The following G3BP2 variants were observed in gnomAD, a reference collection of about 807,000 sequenced individuals.
G3BP2 encodes ras GTPase-activating protein-binding protein 2.
G3BP2 carries 11 observed loss-of-function variants against 56.7 expected under a neutral mutation model. The ratio of observed to expected loss-of-function variants is 0.19; its 90% CI spans 0.12 to 0.32. The LOEUF (loss-of-function observed/expected upper bound fraction) is 0.32. Ranked by LOEUF, G3BP2 falls within the 10% of genes least tolerant of loss-of-function variation. The pLI is 1.00. For missense variants in G3BP2, 340 were observed against 610.9 expected, an observed-to-expected ratio of 0.56 and a Z score of 4.67; for synonymous variants, 165 against 191.6, an observed-to-expected ratio of 0.86 and a Z score of 1.15.
At position 75,645,625 on chromosome 4, in the gene G3BP2, T is replaced by A; in HGVS notation, c.1254A>T (p.Arg418Ser). Residue 418 changes from arginine to serine, a missense_variant, in exon 12 of 12, where the codon AGA becomes AGT. This residue lies in a region of G3BP2 where 94 missense variants were observed against 173.8 expected (regional missense o/e 0.54). Coordinates refer to ENST00000359707, the MANE Select transcript of G3BP2 (RefSeq NM_203505.3). ...TATCCCTGCGATCATCACCACCACC[T>A]CTGGTTTCTCGCTCTCTTGCAGCTC... ...KTRAARERET[R>S]GGGDDRRDIR... 6.2e-7 allele frequency: 1 copy of A among 1,613,786 alleles called. No homozygotes were observed. The highest frequency in any genetic ancestry group is 8.5e-7 in the Non-Finnish European group (1 of 1,179,916).
intron 3 of G3BP2, among the ~76,000 whole-genome samples, chr4:75,704,180 G>A (rs6531872): frequency 0.87 from 131,770 of 151,044 alleles, 57,470 homozygotes; most frequent in East Asian, 0.91. Context: ...CACCATGCCC[G>A]GCTAATTTTT....
chr4:75,680,964 C>T (rs1560410729), intron 3 of G3BP2, among the ~76,000 whole-genome samples: 3 of 140,948 alleles, frequency 2.1e-5, no homozygotes, highest in African/African-American at 8.0e-5. Context: ...AAGACCCCGT[C>T]TCAAAAAATA....
intron 3 of G3BP2, among the ~76,000 whole-genome samples, chr4:75,704,012 G>GTTTTTTTTTTTTTTTTTTTTTTTTTT (rs11315970): frequency 7.2e-6 from 1 of 138,960 alleles, no homozygotes; most frequent in African/African-American, 2.7e-5. Flanking sequence ...TCTATGAAAG[G>GTTTTTTTTTTTTTTTTTTTTTTTTTT]TTTTTTTTTT....
upstream of G3BP2, chr4:75,673,611 G>A: frequency 1.6e-6 from 2 of 1,231,330 alleles, no homozygotes; most frequent in South Asian, 4.1e-5. Flanking sequence ...ACCGGAACCG[G>A]CCTAAAGCCA....
Position 75,664,798 on chromosome 4 carries a change from G to A in G3BP2, c.-24-2749C>T, listed in dbSNP as rs1324240803. Among the ~76,000 whole-genome samples, 5 of 151,682 alleles carry A rather than the reference G, an allele frequency of 3.3e-5. No homozygotes were observed. In the East Asian group the frequency reaches 5.8e-4, roughly 18 times the overall value. ...TGGGGGACAAAGGTTGCAGTGAGCC[G>A]CGATCACACCACTGCACTCCAGCCT... On this transcript the variant is annotated intron_variant, in intron 1 of 11. Coordinates refer to ENST00000359707, the MANE Select transcript of G3BP2 (RefSeq NM_203505.3).
At chr4:75,712,333 A>G (rs1355873168) in intron 3 of G3BP2, among the ~76,000 whole-genome samples, 2 of 152,064 alleles carry the variant, frequency 1.3e-5, no homozygotes, top group African/African-American at 4.8e-5. Flanking sequence ...CTTTTTTACC[A>G]TCATTTTTAA....
At chr4:75,656,134 G>A (rs1234449939) in intron 5 of G3BP2, among the ~76,000 whole-genome samples, 1 of 151,628 alleles carries the variant, frequency 6.6e-6, no homozygotes, top group African/African-American at 2.4e-5. Flanking sequence ...GGGGTTATAG[G>A]TATGCACCAT....
At chr4:75,688,551 G>A (rs1212368442) in intron 3 of G3BP2, among the ~76,000 whole-genome samples, 1 of 152,170 alleles carries the variant, frequency 6.6e-6, no homozygotes, top group East Asian at 1.9e-4. Context: ...GAGCAACTGA[G>A]ACTTATTTTG....
chr4:75,718,538 C>G (rs1431313547), intron 3 of G3BP2, among the ~76,000 whole-genome samples: 1 of 152,110 alleles, frequency 6.6e-6, no homozygotes, highest in Non-Finnish European at 1.5e-5. Flanking sequence ...TTTTTCTTAT[C>G]CTGATAAACA....
At chr4:75,704,672 A>G (rs974970463) in intron 3 of G3BP2, among the ~76,000 whole-genome samples, 13 of 151,844 alleles carry the variant, frequency 8.6e-5, no homozygotes, top group African/African-American at 2.9e-4. Flanking sequence ...TTGCTCTGTC[A>G]CCCAGGCTGG....
chr4:75,655,964 CAA>C (rs1560615842), intron 5 of G3BP2, 94 bp from the exon 6 acceptor site: 2 of 650,456 alleles, frequency 3.1e-6, no homozygotes, highest in East Asian at 5.4e-5. Context: ...GGTATGATAG[CAA>C]AAAAGAAAAT....
intron 3 of G3BP2, among the ~76,000 whole-genome samples, chr4:75,687,891 G>A (rs966342933): frequency 1.3e-5 from 2 of 152,210 alleles, no homozygotes; most frequent in African/African-American, 2.4e-5. Flanking sequence ...TGAGTTTTGT[G>A]TTAAATGAAG....
At chr4:75,657,760 ACT>A (rs1159016724) in intron 3 of G3BP2, 30 bp from the exon 4 acceptor site, 3 of 1,327,334 alleles carry the variant, frequency 2.3e-6, no homozygotes, top group Non-Finnish European at 3.2e-6. Context: ...AAAAATATAA[ACT>A]CTGTGATACT....
chr4:75,663,791 G>A (rs980997108), intron 1 of G3BP2, among the ~76,000 whole-genome samples: 1 of 13,514 alleles, frequency 7.4e-5, no homozygotes, highest in African/African-American at 2.8e-4. Flanking sequence ...CCCGGGAGGC[G>A]GAGGTTGCAG....
intron 3 of G3BP2, among the ~76,000 whole-genome samples, chr4:75,700,861 G>A (rs969920850): frequency 2.0e-5 from 3 of 151,894 alleles, no homozygotes; most frequent in Non-Finnish European, 4.4e-5. Context: ...TTTTTGAGGT[G>A]GAGTTTCACT....
At chr4:75,653,660 C>A (rs1488246067) in intron 8 of G3BP2, among the ~76,000 whole-genome samples, 1 of 148,380 alleles carries the variant, frequency 6.7e-6, no homozygotes, top group Non-Finnish European at 1.5e-5. Context: ...GAATTTCTTA[C>A]CTAAAATATT....
upstream of G3BP2, among the ~76,000 whole-genome samples, chr4:75,674,626 G>A (rs544756449): frequency 6.7e-6 from 1 of 148,216 alleles, no homozygotes; most frequent in Non-Finnish European, 1.5e-5. Context: ...TATATACCAG[G>A]CATTCTTGTA....
intron 3 of G3BP2, among the ~76,000 whole-genome samples, chr4:75,706,207 T>C (rs776523438): frequency 6.6e-6 from 1 of 152,186 alleles, no homozygotes; most frequent in Non-Finnish European, 1.5e-5. Context: ...TCAGCTATTC[T>C]TATAAACCTG....
chr4:75,701,708 G>A (rs754828204), intron 3 of G3BP2, among the ~76,000 whole-genome samples: 6 of 152,184 alleles, frequency 3.9e-5, no homozygotes, highest in East Asian at 1.9e-4. Flanking sequence ...GATTGCAGGC[G>A]TGACCTGCTG....
Sources: allele counts gnomAD v4.1 joint callset (sites outside exome capture counted in the v4.1 genomes callset), GRCh38; gene constraint gnomAD v4.1.1; regional missense constraint gnomAD v4.1.1; transcripts MANE v1.5; gene names NCBI Gene and HGNC (gene_info 2026-07-23, HGNC 2026-07-21).